CACNA2D1: variants seen among roughly 807,000 people sequenced by gnomAD.
CACNA2D1 encodes the protein voltage-dependent calcium channel subunit alpha-2/delta-1.
CACNA2D1 carries 53 observed loss-of-function variants against 171.5 expected under a neutral mutation model. The ratio of observed to expected loss-of-function variants is 0.31; its 90% confidence interval spans 0.25 to 0.39. The LOEUF (loss-of-function observed/expected upper bound fraction) is 0.39. Among genes scored for constraint, CACNA2D1 ranks in the 10% least tolerant of loss-of-function variants. The pLI, the probability that CACNA2D1 is intolerant of heterozygous loss-of-function variation, is 1.00. For synonymous variants in CACNA2D1, 442 were observed against 443.1 expected (o/e 1.00, Z 0.03); for missense variants, 903 against 1,299.8 (o/e 0.69, Z 4.69).
chr7:82,270,847 A>C (rs898910101), intron 3 of CACNA2D1, among the ~76,000 whole-genome samples: 14 of 152,072 alleles, frequency 9.2e-5, no homozygotes, highest in Admixed American at 3.9e-4. Context: ...AACTTATTTC[A>C]TTATGTCCTT....
intron 3 of CACNA2D1, among the ~76,000 whole-genome samples, chr7:82,215,448 C>CATAA (rs1801002172): frequency 6.6e-6 from 1 of 152,106 alleles, no homozygotes; most frequent in South Asian, 2.1e-4. Context: ...GTATCAGAAA[C>CATAA]ATAATAGCAA....
chr7:82,291,164 A>ATATAGAATTATAATTC (rs1476351829), intron 3 of CACNA2D1, among the ~76,000 whole-genome samples: 2 of 121,412 alleles, frequency 1.6e-5, no homozygotes, highest in Admixed American at 8.3e-5. Context: ...TTCTATATCG[A>ATATAGAATTATAATTC]TATAGAATTA....
chr7:82,184,123 C>T (rs1585032627), intron 3 of CACNA2D1, among the ~76,000 whole-genome samples: 2 of 147,242 alleles, frequency 1.4e-5, no homozygotes, highest in African/African-American at 5.0e-5. Context: ...AGACGGTAGG[C>T]AAATTTTCTG....
At chr7:82,217,349 TAA>T (rs139578464) in intron 3 of CACNA2D1, among the ~76,000 whole-genome samples, 1 of 122,660 alleles carries the variant, frequency 8.2e-6, no homozygotes, top group African/African-American at 3.7e-5. Context: ...CCTGCCTTTT[TAA>T]AAAAAAAATA....
chr7:82,129,293 T>C (rs187927667), intron 5 of CACNA2D1, among the ~76,000 whole-genome samples: 8 of 152,340 alleles, frequency 5.3e-5, no homozygotes, highest in African/African-American at 1.4e-4. Flanking sequence ...TACAATTATA[T>C]ACAGATTTCT....
At position 82,193,154 on chromosome 7, in the gene CACNA2D1, C is replaced by T. The variant is rs76848167; in HGVS notation, c.295-22545G>A. Among the ~76,000 whole-genome samples the T allele has an allele frequency of 1.2e-4, 18 of 150,516 alleles. No individual in the cohort carries two copies. The East Asian group carries it at 2.7e-3, about 23-fold the overall frequency. Reference sequence around the variant, plus strand: ...TTTGGAATGAGAATTGCACTTTACCCGGGCTTCAACCCCTCATAATTCAAG... The same window carrying T: ...TTTGGAATGAGAATTGCACTTTACCTGGGCTTCAACCCCTCATAATTCAAG... On this transcript the variant is annotated intron_variant, in intron 3 of 38. Coordinates refer to ENST00000356860, the MANE Select transcript of CACNA2D1 (RefSeq NM_000722.4).
chr7:82,286,727 C>CA (rs202121051), intron 3 of CACNA2D1, among the ~76,000 whole-genome samples: 14 of 151,766 alleles, frequency 9.2e-5, no homozygotes, highest in African/African-American at 3.4e-4. Context: ...TATTCTCACA[C>CA]AAAAAAAGAA....
At chr7:82,082,625 A>G (rs1809939173) in intron 7 of CACNA2D1, among the ~76,000 whole-genome samples, 1 of 151,600 alleles carries the variant, frequency 6.6e-6, no homozygotes, top group African/African-American at 2.4e-5. Flanking sequence ...GAGGTTCTCA[A>G]TCTGGTCTGA....
At chr7:82,352,546 C>A (rs1322927827) in intron 1 of CACNA2D1, among the ~76,000 whole-genome samples, 1 of 152,140 alleles carries the variant, frequency 6.6e-6, no homozygotes, top group Non-Finnish European at 1.5e-5. Context: ...TTAATCCATT[C>A]AACAAGTACT....
chr7:82,067,624 C>A (rs2128987192), intron 7 of CACNA2D1, among the ~76,000 whole-genome samples: 1 of 152,276 alleles, frequency 6.6e-6, no homozygotes, highest in East Asian at 1.9e-4. Flanking sequence ...ACTCTTCCAA[C>A]CATTATTGAC....
chr7:82,348,742 T>C (rs1289365648), intron 2 of CACNA2D1, among the ~76,000 whole-genome samples: 1 of 152,140 alleles, frequency 6.6e-6, no homozygotes, highest in African/African-American at 2.4e-5. Context: ...ATGAAGCTGC[T>C]TTTATACCAC....
chr7:81,997,889 T>C (rs1048968299), intron 18 of CACNA2D1, among the ~76,000 whole-genome samples: 72 of 152,074 alleles, frequency 4.7e-4, no homozygotes, highest in Middle Eastern at 3.4e-3. Flanking sequence ...AGATTAGCTA[T>C]TATAATTAAA....
At chr7:82,144,439 C>G (rs542735625) in intron 4 of CACNA2D1, among the ~76,000 whole-genome samples, 2 of 151,984 alleles carry the variant, frequency 1.3e-5, no homozygotes, top group Non-Finnish European at 2.9e-5. Context: ...TCCCCTTTTT[C>G]TCCCCTGTGT....
intron 3 of CACNA2D1, among the ~76,000 whole-genome samples, chr7:82,242,466 T>C (rs536160106): frequency 6.6e-6 from 1 of 152,218 alleles, no homozygotes; most frequent in African/African-American, 2.4e-5. Flanking sequence ...CTATTTTACC[T>C]TTCAGTCAAA....
At chr7:82,366,174 T>C (rs1345436435) in intron 1 of CACNA2D1, among the ~76,000 whole-genome samples, 4 of 152,194 alleles carry the variant, frequency 2.6e-5, no homozygotes, top group African/African-American at 9.6e-5. Context: ...GTGTCATCCG[T>C]AGTATTTGAC....
At chr7:82,023,975 A>G (rs1031400618) in intron 12 of CACNA2D1, 1 of 151,766 alleles carries the variant, frequency 6.6e-6, no homozygotes, top group Non-Finnish European at 1.5e-5. Flanking sequence ...CCAGGTTTGC[A>G]CATATTGAGA....
chr7:82,201,568 C>T (rs1037360503), intron 3 of CACNA2D1, among the ~76,000 whole-genome samples: 1 of 152,076 alleles, frequency 6.6e-6, no homozygotes, highest in African/African-American at 2.4e-5. Context: ...CCTTTACATG[C>T]CCAGGTGCAC....
chr7:81,955,140 C>G (rs913611239), intron 38 of CACNA2D1, among the ~76,000 whole-genome samples: 1 of 152,088 alleles, frequency 6.6e-6, no homozygotes, highest in Admixed American at 6.6e-5. Context: ...TGTTTGAACA[C>G]TTGAGTTCTG....
intron 3 of CACNA2D1, among the ~76,000 whole-genome samples, chr7:82,263,122 T>TTG (rs34785728): frequency 6.7e-6 from 1 of 149,296 alleles, no homozygotes; most frequent in Non-Finnish European, 1.5e-5. Flanking sequence ...TTTTTTTTTT[T>TTG]GAGACAGAGT....
Sources: gnomAD v4.1 joint callset for allele counts (sites outside exome capture counted in the v4.1 genomes callset) on GRCh38, gnomAD v4.1.1 for gene constraint, MANE v1.5 for transcripts, NCBI Gene and HGNC (gene_info 2026-07-23, HGNC 2026-07-21) for gene names.